Variants in ITPR2 observed in about 807,000 individuals in gnomAD.
ITPR2 encodes the protein inositol 1,4,5-trisphosphate-gated calcium channel ITPR2.
ITPR2 carries 207 observed loss-of-function variants against 317.1 expected under a neutral mutation model. That is an observed-to-expected ratio of 0.65 (90% CI 0.58 to 0.73). ITPR2 has a LOEUF of 0.73. ITPR2 is among the 30% of genes least tolerant of loss of function. The pLI, the probability that ITPR2 is intolerant of heterozygous loss-of-function variation, is 0.00. For missense variants in ITPR2, 2,613 were observed against 3,284.0 expected (o/e 0.80, Z 4.99); for synonymous variants, 1,156 against 1,149.1 (o/e 1.01, Z -0.12).
At chr12:26,783,132 G>A (rs1394660001) in intron 2 of ITPR2, among the ~76,000 whole-genome samples, 1 of 152,160 alleles carries the variant, frequency 6.6e-6, no homozygotes, top group East Asian at 1.9e-4. Flanking sequence ...TTTCCCCCAA[G>A]TCCCTAATTA....
chr12:26,786,315 C>CG (rs1439381548), intron 2 of ITPR2, among the ~76,000 whole-genome samples: 1 of 119,710 alleles, frequency 8.4e-6, no homozygotes, highest in Non-Finnish European at 1.8e-5. Context: ...ACAAACACTG[C>CG]GGAAGGCCGC....
chr12:26,589,338 G>T (rs1316079028), intron 32 of ITPR2, among the ~76,000 whole-genome samples: 2 of 151,888 alleles, frequency 1.3e-5, no homozygotes, highest in African/African-American at 4.8e-5. Flanking sequence ...ATAGGAAAAT[G>T]AAAAATACTA....
chr12:26,374,288 T>C (rs1012232685), intron 55 of ITPR2, among the ~76,000 whole-genome samples: 3 of 152,236 alleles, frequency 2.0e-5, no homozygotes, highest in African/African-American at 4.8e-5. Flanking sequence ...TATTTAGCTA[T>C]GTAAAACCTG....
At chr12:26,497,021 C>G (rs1216540623) in intron 37 of ITPR2, among the ~76,000 whole-genome samples, 1 of 151,854 alleles carries the variant, frequency 6.6e-6, no homozygotes, top group African/African-American at 2.4e-5. Flanking sequence ...TACCCGCCCC[C>G]ACCCCAACTT....
chr12:26,449,727 A>C (rs1941694902), intron 45 of ITPR2, among the ~76,000 whole-genome samples: 1 of 152,104 alleles, frequency 6.6e-6, no homozygotes, highest in Non-Finnish European at 1.5e-5. Flanking sequence ...GAGGGATCCC[A>C]TGAGCCAAGC....
At position 26,567,978 on chromosome 12, in the gene ITPR2, T is replaced by TTA. The variant is rs1207413714; in HGVS notation, c.4631-6028_4631-6027dup. 9.2e-3 allele frequency among the ~76,000 whole-genome samples: 249 copies of TTA among 27,156 alleles called. 8 individuals are homozygous for TTA. The highest frequency in any genetic ancestry group is 0.029 in the African/African-American group (227 of 7,928). 17.8% of individuals were successfully genotyped at this position (27,156 alleles called of 152,430 possible). Reference sequence around the variant, plus strand: ...TATATATATATATATATTATATATATTATATATATATATATATATTATATA... The same window carrying TTA: ...TATATATATATATATATTATATATATTATATATATATATATATATATTATATA... On this transcript the variant is annotated intron_variant, in intron 34 of 56. Coordinates refer to ENST00000381340, the MANE Select transcript of ITPR2 (RefSeq NM_002223.4).
At chr12:26,516,280 G>GGGAAAGGAAAGGAAA (rs1943503195) in intron 37 of ITPR2, among the ~76,000 whole-genome samples, 1 of 45,212 alleles carries the variant, frequency 2.2e-5, no homozygotes, top group African/African-American at 9.7e-5. Context: ...AGGAAGGGAA[G>GGGAAAGGAAAGGAAA]GGAAGGGAAA....
At chr12:26,593,269 C>T (rs1379978950) in intron 32 of ITPR2, among the ~76,000 whole-genome samples, 1 of 152,202 alleles carries the variant, frequency 6.6e-6, no homozygotes, top group Non-Finnish European at 1.5e-5. Context: ...ATTCTGGGGA[C>T]AAGGACCAGC....
intron 48 of ITPR2, among the ~76,000 whole-genome samples, chr12:26,431,155 T>C (rs924378584): frequency 6.6e-6 from 1 of 152,184 alleles, no homozygotes. Context: ...ATTGAAGGAA[T>C]TGAAATCACC....
At chr12:26,363,180 C>T (rs1191221825) in intron 55 of ITPR2, among the ~76,000 whole-genome samples, 1 of 152,156 alleles carries the variant, frequency 6.6e-6, no homozygotes, top group Non-Finnish European at 1.5e-5. Context: ...ATTAGATTCT[C>T]ATAGAAGTGT....
In ITPR2 at chr12:26,387,462, G is replaced by A; in HGVS notation, c.7829C>T (p.Pro2610Leu). Residue 2610 changes from proline (P) to leucine (L), a missense_variant, in exon 55 of 57, where the codon CCT becomes CTT. By Grantham distance (98) the Pro-to-Leu change is moderately conservative. Coordinates refer to ENST00000381340, the MANE Select transcript of ITPR2 (RefSeq NM_002223.4). ...KVKDPTEYTG[P>L]ESYVAQMIVE... ...AATCATTTGAGCCACATAACTTTCA[G>A]GTCCAGTGTATTCTGTTGGGTCTTT... 1 of 1,613,594 alleles carries A rather than the reference G, an allele frequency of 6.2e-7. No homozygotes were observed. Among genetic ancestry groups the A allele is most frequent in the Non-Finnish European group, 8.5e-7 (1 of 1,179,766 alleles).
Position 26,715,458 on chromosome 12 carries a change from T to C in ITPR2, c.709-13A>G. 2 of 1,609,438 alleles carry C rather than the reference T, an allele frequency of 1.2e-6. No homozygotes were observed. Among genetic ancestry groups the C allele is most frequent in the South Asian group, 1.1e-5 (1 of 90,616 alleles). On this transcript the variant is annotated splice_polypyrimidine_tract_variant and intron_variant, in intron 7 of 56. Coordinates refer to ENST00000381340, the MANE Select transcript of ITPR2 (RefSeq NM_002223.4). ...TAACAACGTCCCCCTAGCAAAAAGGTCAAGAGACATCTGAACAAACAGATG... is the reference window on the plus strand; with the variant it reads ...TAACAACGTCCCCCTAGCAAAAAGGCCAAGAGACATCTGAACAAACAGATG...
In ITPR2 at chr12:26,448,812, G is replaced by T. The variant is rs184681092; in HGVS notation, c.6343-5162C>A. ...TTAAATACAGATGCATCACTAAATA[G>T]GAATAAGAACATGTATATGTATATA... is the stretch of plus-strand genomic sequence containing the variant. On this transcript the variant is annotated intron_variant, in intron 45 of 56. Coordinates refer to ENST00000381340, the MANE Select transcript of ITPR2 (RefSeq NM_002223.4). 1.4e-4 allele frequency among the ~76,000 whole-genome samples: 21 copies of T among 152,094 alleles called. No individual in the cohort carries two copies. In the East Asian group the frequency reaches 4.0e-3, roughly 29 times the overall value.
intron 36 of ITPR2, among the ~76,000 whole-genome samples, chr12:26,552,161 G>C (rs1333077223): frequency 1.3e-5 from 2 of 152,052 alleles, no homozygotes; most frequent in Non-Finnish European, 2.9e-5. Context: ...GAAATGTATA[G>C]ACTAGGCTAA....
chr12:26,447,028 G>GTATC (rs150809690), intron 45 of ITPR2, among the ~76,000 whole-genome samples: 6,992 of 151,814 alleles, frequency 0.046, 232 homozygotes, highest in Middle Eastern at 0.12. Context: ...TTCTCATATT[G>GTATC]TATCTGAGTA....
At position 26,399,023 on chromosome 12, in the gene ITPR2, G is replaced by A. The variant is rs753439959; in HGVS notation, c.7549C>T (p.Arg2517Ter). Residue 2517 changes from arginine to a stop codon, truncating the protein, a stop_gained, in exon 54 of 57, where the codon CGA becomes TGA. Transcript: ENST00000381340. LOFTEE classifies it high-confidence loss of function. The stretch of plus-strand genomic sequence containing the variant: ...TAAAAAAGAAGGTCATAAACCACTC[G>A]GGCAGCAAACAAGGGCTCCTGAAAT... Reference protein sequence around the residue: ...PSKDEPLFAARVVYDLLFYFI... With the variant: ...PSKDEPLFAA The A allele has an allele frequency of 1.8e-5, 28 of 1,581,720 alleles. No homozygotes were observed. The highest frequency in any genetic ancestry group is 5.9e-5 in the South Asian group (5 of 84,608).
At chr12:26,624,407 C>T (rs781640288) in intron 23 of ITPR2, 51 bp from the exon 24 acceptor site, 3 of 1,238,800 alleles carry the variant, frequency 2.4e-6, no homozygotes, top group Non-Finnish European at 2.3e-6. Flanking sequence ...TAATTAGGAG[C>T]CATAATAGTC....
chr12:26,612,939 G>C (rs1946303245), intron 26 of ITPR2, among the ~76,000 whole-genome samples: 1 of 152,102 alleles, frequency 6.6e-6, no homozygotes, highest in Non-Finnish European at 1.5e-5. Context: ...GCAGAATCTG[G>C]AGTGAGGCCT....
chr12:26,732,251 C>T (rs1684128756), intron 2 of ITPR2, among the ~76,000 whole-genome samples: 3 of 152,178 alleles, frequency 2.0e-5, no homozygotes, highest in African/African-American at 7.2e-5. Flanking sequence ...TCATTACAGG[C>T]TTGTAGACTG....
Sources: allele counts gnomAD v4.1 joint callset (sites outside exome capture counted in the v4.1 genomes callset), GRCh38; gene constraint gnomAD v4.1.1; transcripts MANE v1.5; gene names NCBI Gene and HGNC (gene_info 2026-07-23, HGNC 2026-07-21).